The following PLXDC2 variants were observed in gnomAD, a reference collection of about 807,000 sequenced individuals.
PLXDC2 encodes the protein plexin domain containing 2, also known as plexin domain-containing protein 2.
A neutral mutation model predicts 68.9 loss-of-function variants in PLXDC2; 40 were observed. The observed-to-expected ratio is 0.58, with a 90% confidence interval of 0.45 to 0.76. PLXDC2 has a LOEUF of 0.76. PLXDC2 is among the 30% of genes least tolerant of loss of function. The probability of loss-of-function intolerance (pLI) is 0.00; values close to 1 mark genes in which losing one functional copy is unlikely to be tolerated. For synonymous variants in PLXDC2, 243 were observed against 234.2 expected (o/e 1.04, Z -0.34); for missense variants, 644 against 661.9 (o/e 0.97, Z 0.30).
intron 13 of PLXDC2, among the ~76,000 whole-genome samples, chr10:20,267,439 G>A (rs1367365554): frequency 6.6e-6 from 1 of 152,110 alleles, no homozygotes; most frequent in Non-Finnish European, 1.5e-5. Context: ...GCACCAAGAA[G>A]GCAGCAGAAT....
intron 1 of PLXDC2, among the ~76,000 whole-genome samples, chr10:19,888,802 G>T (rs1237237215): frequency 6.6e-6 from 1 of 152,052 alleles, no homozygotes; most frequent in African/African-American, 2.4e-5. Context: ...GGAAAGCACG[G>T]TTACTAAAAA....
chr10:19,832,959 C>A (rs1472558671), intron 1 of PLXDC2, among the ~76,000 whole-genome samples: 1 of 152,186 alleles, frequency 6.6e-6, no homozygotes, highest in East Asian at 1.9e-4. Context: ...CTCGAACCTC[C>A]ATTTCTTCAT....
intron 13 of PLXDC2, among the ~76,000 whole-genome samples, chr10:20,245,831 G>A (rs1243807290): frequency 6.6e-6 from 1 of 152,152 alleles, no homozygotes; most frequent in African/African-American, 2.4e-5. Context: ...TGTTCTAGGA[G>A]GAAATACTAC....
intron 12 of PLXDC2, among the ~76,000 whole-genome samples, chr10:20,236,310 T>C (rs998121952): frequency 6.6e-6 from 1 of 151,644 alleles, no homozygotes; most frequent in African/African-American, 2.4e-5. Flanking sequence ...CCAGGAATGG[T>C]GGTGTGTGCA....
intron 4 of PLXDC2, among the ~76,000 whole-genome samples, chr10:20,114,584 G>A (rs1833599148): frequency 6.6e-6 from 1 of 152,224 alleles, no homozygotes; most frequent in South Asian, 2.1e-4. Context: ...GAGCACAGGT[G>A]TGGACCACAA....
At chr10:20,077,425 C>G (rs1246622393) in intron 4 of PLXDC2, among the ~76,000 whole-genome samples, 1 of 152,100 alleles carries the variant, frequency 6.6e-6, no homozygotes, top group East Asian at 1.9e-4. Context: ...CTATATAGCT[C>G]TGGAACTGAG....
At chr10:19,952,924 T>G (rs1467643865) in intron 1 of PLXDC2, among the ~76,000 whole-genome samples, 2 of 152,134 alleles carry the variant, frequency 1.3e-5, no homozygotes, top group African/African-American at 4.8e-5. Context: ...TTTTTTGTTT[T>G]GATGATCTCA....
intron 1 of PLXDC2, among the ~76,000 whole-genome samples, chr10:19,851,362 C>G (rs777888689): frequency 4.6e-5 from 7 of 152,134 alleles, no homozygotes; most frequent in Non-Finnish European, 1.0e-4. Context: ...GCAGTAGTTA[C>G]ACTTAACAAT....
chr10:20,112,425 A>T (rs1337937322), intron 4 of PLXDC2, among the ~76,000 whole-genome samples: 1 of 151,940 alleles, frequency 6.6e-6, no homozygotes, highest in Non-Finnish European at 1.5e-5. Flanking sequence ...CTCTTCCTGA[A>T]TGTACAGACT....
At chr10:20,276,900 G>A (rs1730401675) in intron 13 of PLXDC2, among the ~76,000 whole-genome samples, 1 of 152,098 alleles carries the variant, frequency 6.6e-6, no homozygotes, top group African/African-American at 2.4e-5. Context: ...TTATGGCATA[G>A]ATGTTAAGGA....
At chr10:19,818,811 C>G in intron 1 of PLXDC2, among the ~76,000 whole-genome samples, 1 of 151,984 alleles carries the variant, frequency 6.6e-6, no homozygotes, top group Admixed American at 6.6e-5. Context: ...TACTTATTCA[C>G]GGTATGAATA....
At chr10:20,075,706 G>A (rs1236696754) in intron 4 of PLXDC2, among the ~76,000 whole-genome samples, 1 of 152,120 alleles carries the variant, frequency 6.6e-6, no homozygotes, top group Non-Finnish European at 1.5e-5. Flanking sequence ...ACAGAAATAT[G>A]GGTAGAATGA....
chr10:20,064,458 G>T (rs905686807), intron 3 of PLXDC2, among the ~76,000 whole-genome samples: 4 of 152,020 alleles, frequency 2.6e-5, no homozygotes, highest in Non-Finnish European at 5.9e-5. Flanking sequence ...CTGACCTTGC[G>T]ATCCGCCTAC....
chr10:19,884,582 C>T (rs1837804804), intron 1 of PLXDC2, among the ~76,000 whole-genome samples: 1 of 151,552 alleles, frequency 6.6e-6, no homozygotes, highest in Admixed American at 6.6e-5. Flanking sequence ...CAATTCCCAC[C>T]TATGAGTGAG....
intron 1 of PLXDC2, among the ~76,000 whole-genome samples, chr10:19,840,191 A>C (rs1836876804): frequency 6.6e-6 from 1 of 152,100 alleles, no homozygotes; most frequent in Non-Finnish European, 1.5e-5. Flanking sequence ...TAGTTGTGAA[A>C]TGCTATTTTT....
chr10:20,048,522 T>G (rs755613564), intron 3 of PLXDC2, among the ~76,000 whole-genome samples: 7 of 152,160 alleles, frequency 4.6e-5, no homozygotes, highest in African/African-American at 1.4e-4. Context: ...TGGGATCTAT[T>G]GCATTTGACA....
At chr10:19,920,331 GC>G (rs923243215) in intron 1 of PLXDC2, among the ~76,000 whole-genome samples, 39 of 152,190 alleles carry the variant, frequency 2.6e-4, no homozygotes, top group African/African-American at 8.9e-4. Flanking sequence ...CCTAAATGTT[GC>G]ATTTCCCAAG....
intron 1 of PLXDC2, among the ~76,000 whole-genome samples, chr10:19,965,720 G>T (rs75460190): frequency 0.23 from 19,693 of 86,394 alleles, 1,889 homozygotes; most frequent in African/African-American, 0.32. Flanking sequence ...GTTTTTTTTG[G>T]GGGGGGGGGT....
chr10:20,051,414 ATATATATATATATATATATAT>A (rs1835898320), intron 3 of PLXDC2, among the ~76,000 whole-genome samples: 1 of 32,854 alleles, frequency 3.0e-5, no homozygotes, highest in African/African-American at 3.5e-4. Flanking sequence ...ATATATATAT[ATATATATATATATATATATAT>A]ATATATATGT....
Sources: allele counts gnomAD v4.1 joint callset (sites outside exome capture counted in the v4.1 genomes callset), GRCh38; gene constraint gnomAD v4.1.1; transcripts MANE v1.5; gene names NCBI Gene and HGNC (gene_info 2026-07-23, HGNC 2026-07-21).